The following C6 variants were observed in gnomAD, a reference collection of about 807,000 sequenced individuals.
C6 encodes the protein complement C6, also known as complement component C6.
A neutral mutation model predicts 112.9 loss-of-function variants in C6; 101 were observed. That is an observed-to-expected ratio of 0.89 (90% CI 0.76 to 1.06). C6 has a LOEUF of 1.06. Among genes scored for constraint, C6 ranks in the 50% least tolerant of loss-of-function variants. The pLI is 0.00. For synonymous variants in C6, 431 were observed against 384.1 expected (o/e 1.12, Z -1.43); for missense variants, 1,202 against 1,104.6 (o/e 1.09, Z -1.25).
intron 5 of C6, among the ~76,000 whole-genome samples, chr5:41,189,798 C>A (rs1219421224): frequency 5.3e-5 from 8 of 152,026 alleles, no homozygotes; most frequent in African/African-American, 1.9e-4. Context: ...TCTCTTGTAA[C>A]CCTTATTCTA....
chr5:41,163,515 G>T (rs189762369), intron 9 of C6, among the ~76,000 whole-genome samples: 20 of 152,076 alleles, frequency 1.3e-4, no homozygotes, highest in Middle Eastern at 3.4e-3. Context: ...GTTTCACCAC[G>T]TTGGCCAGGA....
At chr5:41,221,718 A>G (rs1580219808) in intron 1 of C6, among the ~76,000 whole-genome samples, 1 of 152,364 alleles carries the variant, frequency 6.6e-6, no homozygotes, top group Admixed American at 6.5e-5. Flanking sequence ...TAATTATTCA[A>G]TAGTTATTCA....
At chr5:41,244,101 G>A (rs1259624559) in intron 1 of C6, among the ~76,000 whole-genome samples, 1 of 152,058 alleles carries the variant, frequency 6.6e-6, no homozygotes, top group African/African-American at 2.4e-5. Context: ...TATTAAAAGG[G>A]AGTCACAACT....
At chr5:41,172,713 C>T (rs1262833568) in intron 8 of C6, 4 of 367,236 alleles carry the variant, frequency 1.1e-5, no homozygotes, top group South Asian at 2.3e-5. Flanking sequence ...TTTCTATTGG[C>T]CGCTGCACTG....
intron 1 of C6, among the ~76,000 whole-genome samples, chr5:41,258,168 G>A (rs746497042): frequency 1.3e-5 from 2 of 152,010 alleles, no homozygotes; most frequent in Non-Finnish European, 2.9e-5. Context: ...TTGACTTAAA[G>A]CTCTTGTTAA....
At chr5:41,231,140 T>C (rs1325790651) in intron 1 of C6, among the ~76,000 whole-genome samples, 1 of 152,156 alleles carries the variant, frequency 6.6e-6, no homozygotes, top group Admixed American at 6.6e-5. Context: ...TTTCTTAAAA[T>C]ACATTTATTT....
intron 4 of C6, among the ~76,000 whole-genome samples, chr5:41,197,415 T>A (rs574005208): frequency 6.6e-6 from 1 of 152,174 alleles, no homozygotes; most frequent in East Asian, 1.9e-4. Flanking sequence ...CAGAACAGAA[T>A]GGGCATTTTA....
intron 15 of C6, among the ~76,000 whole-genome samples, chr5:41,150,584 GA>G (rs1420005975): frequency 2.6e-5 from 4 of 152,110 alleles, no homozygotes; most frequent in Non-Finnish European, 5.9e-5. Flanking sequence ...ATAAGGTATG[GA>G]AAAGTTCAAA....
chr5:41,160,786 T>C (rs548837388), intron 10 of C6, among the ~76,000 whole-genome samples: 144 of 152,296 alleles, frequency 9.5e-4, no homozygotes, highest in African/African-American at 3.2e-3. Context: ...TGTTCTTTTT[T>C]TCCAGGACAG....
intron 8 of C6, among the ~76,000 whole-genome samples, chr5:41,174,337 T>C (rs1408813481): frequency 6.6e-6 from 1 of 152,196 alleles, no homozygotes; most frequent in Non-Finnish European, 1.5e-5. Flanking sequence ...GTTCCTCTGC[T>C]GTGGAGCACA....
At chr5:41,226,888 G>A (rs557145735) in intron 1 of C6, among the ~76,000 whole-genome samples, 2 of 152,096 alleles carry the variant, frequency 1.3e-5, no homozygotes, top group South Asian at 2.1e-4. Context: ...TCCATATCTT[G>A]GTTATTGTAA....
chr5:41,166,160 C>T (rs1266967963), intron 9 of C6, among the ~76,000 whole-genome samples: 1 of 152,054 alleles, frequency 6.6e-6, no homozygotes, highest in Non-Finnish European at 1.5e-5. Context: ...ATGGAACTCC[C>T]TTTTCACATG....
intron 1 of C6, among the ~76,000 whole-genome samples, chr5:41,204,018 C>T (rs1437154779): frequency 6.6e-6 from 1 of 152,180 alleles, no homozygotes; most frequent in Non-Finnish European, 1.5e-5. Context: ...ACCAGTGGTT[C>T]CCACTTATGG....
intron 1 of C6, among the ~76,000 whole-genome samples, chr5:41,242,306 C>T (rs1740767695): frequency 6.6e-6 from 1 of 152,058 alleles, no homozygotes; most frequent in Non-Finnish European, 1.5e-5. Flanking sequence ...ATCTTATAAG[C>T]GTCTGGCATT....
At chr5:41,172,478 T>A (rs2150302387) in intron 8 of C6, 131 bp from the exon 9 acceptor site, 2 of 885,628 alleles carry the variant, frequency 2.3e-6, no homozygotes, top group Non-Finnish European at 3.6e-6. Context: ...GTCCCCATAA[T>A]CTTAAGTGAC....
intron 1 of C6, among the ~76,000 whole-genome samples, chr5:41,254,692 A>G (rs1451989958): frequency 6.6e-6 from 1 of 152,216 alleles, no homozygotes; most frequent in Non-Finnish European, 1.5e-5. Flanking sequence ...AGTGATCCCT[A>G]TAGAAAGGAA....
intron 15 of C6, among the ~76,000 whole-genome samples, chr5:41,153,263 T>A (rs1237738992): frequency 1.3e-5 from 2 of 152,244 alleles, no homozygotes; most frequent in Non-Finnish European, 2.9e-5. Flanking sequence ...ATTTCCTTTA[T>A]CTAGCTGTGG....
chr5:41,209,368 C>A (rs1445054680), intron 1 of C6, among the ~76,000 whole-genome samples: 2 of 152,180 alleles, frequency 1.3e-5, no homozygotes, highest in South Asian at 4.1e-4. Flanking sequence ...AAGTTCTGGC[C>A]AGGGCAATCA....
chr5:41,236,054 T>C (rs1398486937), intron 1 of C6, among the ~76,000 whole-genome samples: 2 of 41,992 alleles, frequency 4.8e-5, no homozygotes, highest in Non-Finnish European at 9.0e-5. Flanking sequence ...GGTAGTTTCT[T>C]TTGCTGTGCA....
Sources: allele counts gnomAD v4.1 joint callset (sites outside exome capture counted in the v4.1 genomes callset), GRCh38; gene constraint gnomAD v4.1.1; transcripts MANE v1.5; gene names NCBI Gene and HGNC (gene_info 2026-07-23, HGNC 2026-07-21).